Variants in MICU3 observed in about 807,000 individuals in gnomAD.
MICU3 encodes the protein calcium uptake protein 3, mitochondrial.
In MICU3, 62 loss-of-function variants were observed where a neutral mutation model predicts 66.5. The observed-to-expected ratio is 0.93, with a 90% CI of 0.76 to 1.15. The LOEUF is 1.15. Among genes scored for constraint, MICU3 ranks in the 50% most tolerant of loss-of-function variants. MICU3 has a pLI of 0.00. For missense variants in MICU3, 779 were observed against 664.4 expected (o/e 1.17, Z -1.90); for synonymous variants, 308 against 240.7 (o/e 1.28, Z -2.59).
intron 7 of MICU3, among the ~76,000 whole-genome samples, chr8:17,088,422 A>G (rs1323194464): frequency 1.3e-5 from 2 of 152,024 alleles, no homozygotes. Flanking sequence ...AGAATTGAAT[A>G]CTTTCTTAAA....
At chr8:17,096,534 T>A (rs1379266575) in intron 8 of MICU3, among the ~76,000 whole-genome samples, 2 of 151,836 alleles carry the variant, frequency 1.3e-5, no homozygotes, top group Non-Finnish European at 2.9e-5. Context: ...ATTAGCTGTT[T>A]TTTCCTGCAG....
chr8:17,032,392 T>G (rs1374437765), intron 1 of MICU3, among the ~76,000 whole-genome samples: 1 of 152,024 alleles, frequency 6.6e-6, no homozygotes, highest in Non-Finnish European at 1.5e-5. Flanking sequence ...ATGCCCAGAA[T>G]AAAAAAACGA....
At chr8:17,081,225 C>T (rs539395740) in intron 4 of MICU3, among the ~76,000 whole-genome samples, 112 of 152,118 alleles carry the variant, frequency 7.4e-4, no homozygotes, top group Admixed American at 2.0e-3. Context: ...TCTTAAAATG[C>T]GAAACATCAC....
At chr8:17,043,912 A>G (rs774043859) in intron 1 of MICU3, among the ~76,000 whole-genome samples, 1 of 152,238 alleles carries the variant, frequency 6.6e-6, no homozygotes, top group Non-Finnish European at 1.5e-5. Context: ...AAGTACAAAT[A>G]TTGGGTTCTA....
At chr8:17,130,915 A>G in the MICU3 span, among the ~76,000 whole-genome samples, 4 of 152,256 alleles carry the variant, frequency 2.6e-5, no homozygotes, top group African/African-American at 7.2e-5. Context: ...AATGAAGATT[A>G]TCTGCTGCCT....
chr8:17,035,808 A>G (rs1011793785), intron 1 of MICU3, among the ~76,000 whole-genome samples: 26 of 152,218 alleles, frequency 1.7e-4, no homozygotes, highest in African/African-American at 6.3e-4. Flanking sequence ...AGAAAACCCC[A>G]TTTTCTCAGG....
At chr8:17,089,267 A>T (rs925619540) in intron 7 of MICU3, among the ~76,000 whole-genome samples, 2 of 152,014 alleles carry the variant, frequency 1.3e-5, no homozygotes, top group African/African-American at 2.4e-5. Context: ...ACAGCACTTT[A>T]CACTATAGCT....
chr8:17,130,810 C>T, the MICU3 span, among the ~76,000 whole-genome samples: 3 of 152,020 alleles, frequency 2.0e-5, no homozygotes, highest in Non-Finnish European at 4.4e-5. Flanking sequence ...AATAAAATAG[C>T]AAAGTGATTA....
chr8:17,038,968 TA>T (rs1308096753), intron 1 of MICU3, among the ~76,000 whole-genome samples: 347 of 138,892 alleles, frequency 2.5e-3, no homozygotes, highest in African/African-American at 9.5e-3. Flanking sequence ...AAAAAAAAAA[TA>T]AATAAATAAT....
chr8:17,106,496 G>A (rs1340806097), intron 11 of MICU3, among the ~76,000 whole-genome samples: 1 of 149,056 alleles, frequency 6.7e-6, no homozygotes, highest in Non-Finnish European at 1.5e-5. Flanking sequence ...TACTACCCTA[G>A]TAGTGCAATT....
chr8:17,027,454 A>G lies in MICU3; in HGVS notation c.175A>G (p.Arg59Gly). 7.7e-7 allele frequency: 1 copy of G among 1,297,696 alleles called. No individual in the cohort carries two copies. The highest frequency in any genetic ancestry group is 9.7e-7 in the Non-Finnish European group (1 of 1,027,692). The allele number at this position is 1,297,696 out of a possible 1,614,324, so 80.4% of individuals were successfully genotyped here. The change falls in exon 1 of 15, where the codon AGG (arginine) becomes GGG (glycine). Residue 59 changes from arginine to glycine, a missense_variant. Arg to Gly is a moderately radical substitution (Grantham distance 125, BLOSUM62 -2). Transcript: ENST00000318063. ...EERAVAEAAW[R>G]RRRRWGELSV... The stretch of plus-strand genomic sequence containing the variant: ...GAGGGCTGTGGCGGAGGCGGCATGG[A>G]GGCGGCGGCGGCGCTGGGGGGAGCT...
chr8:17,039,539 T>C (rs1472306317), intron 1 of MICU3, among the ~76,000 whole-genome samples: 1 of 152,198 alleles, frequency 6.6e-6, no homozygotes, highest in African/African-American at 2.4e-5. Context: ...TGAGTAGAGA[T>C]TACTTTTCAG....
intron 1 of MICU3, among the ~76,000 whole-genome samples, chr8:17,059,539 A>G (rs911216945): frequency 6.6e-6 from 1 of 152,186 alleles, no homozygotes; most frequent in African/African-American, 2.4e-5. Context: ...TGAGATATAA[A>G]TGCTGAAAAG....
chr8:17,103,258 A>C (rs1366690133), intron 9 of MICU3, among the ~76,000 whole-genome samples: 3 of 151,912 alleles, frequency 2.0e-5, no homozygotes, highest in Non-Finnish European at 4.4e-5. Context: ...AAGATTAGGA[A>C]GAGGGCTATG....
At chr8:17,088,083 A>T (rs1227101672) in intron 7 of MICU3, among the ~76,000 whole-genome samples, 1 of 152,010 alleles carries the variant, frequency 6.6e-6, no homozygotes, top group East Asian at 1.9e-4. Context: ...GCCATATTCA[A>T]TCCCAATATA....
intron 1 of MICU3, among the ~76,000 whole-genome samples, chr8:17,040,044 A>G (rs1184989240): frequency 6.6e-6 from 1 of 151,646 alleles, no homozygotes; most frequent in East Asian, 1.9e-4. Flanking sequence ...AGTAGCTGGG[A>G]TTACAAGCAT....
intron 14 of MICU3, among the ~76,000 whole-genome samples, chr8:17,119,586 C>G (rs1319511991): frequency 7.4e-6 from 1 of 135,086 alleles, no homozygotes; most frequent in East Asian, 2.0e-4. Context: ...GAGGTGTTTC[C>G]CAAAGTGGTT....
intron 4 of MICU3, among the ~76,000 whole-genome samples, chr8:17,078,203 A>G (rs994720886): frequency 1.3e-5 from 2 of 152,090 alleles, no homozygotes; most frequent in Admixed American, 6.6e-5. Flanking sequence ...ACATTTCACA[A>G]AAATACTAGA....
chr8:17,125,803 C>T (rs934757565), downstream of MICU3, among the ~76,000 whole-genome samples: 2 of 151,856 alleles, frequency 1.3e-5, no homozygotes, highest in East Asian at 1.9e-4. Flanking sequence ...GATGCTGAGG[C>T]GGGTGGATCA....
Sources: gnomAD v4.1 joint callset for allele counts (sites outside exome capture counted in the v4.1 genomes callset) on GRCh38, gnomAD v4.1.1 for gene constraint, MANE v1.5 for transcripts, NCBI Gene and HGNC (gene_info 2026-07-23, HGNC 2026-07-21) for gene names.